The following ARHGEF12 variants were observed in gnomAD, a reference collection of about 807,000 sequenced individuals.
The protein encoded by ARHGEF12 is Rho guanine nucleotide exchange factor 12, also known as KMT2A/ARHGEF12 fusion protein.
A neutral mutation model predicts 211.2 loss-of-function variants in ARHGEF12; 66 were observed. That is an observed-to-expected ratio of 0.31 (90% CI 0.26 to 0.38). ARHGEF12 has a LOEUF of 0.38. ARHGEF12 is among the 10% of genes least tolerant of loss of function. The pLI, the probability that ARHGEF12 is intolerant of heterozygous loss-of-function variation, is 1.00. For missense variants in ARHGEF12, 1,429 were observed against 1,869.5 expected, an observed-to-expected ratio of 0.76 and a Z score of 4.34; for synonymous variants, 592 against 638.4, an observed-to-expected ratio of 0.93 and a Z score of 1.09.
At position 120,483,905 on chromosome 11, in the gene ARHGEF12, C is replaced by T. The variant is rs192911641; in HGVS notation, c.4555-533C>T. ...TTGGGATTACAGGCGTGAGCCACCG[C>T]GCCCAGTCCCAGCTAATTTTTATAA... On this transcript the variant is annotated intron_variant, in intron 39 of 40. Coordinates refer to ENST00000397843, the MANE Select transcript of ARHGEF12 (RefSeq NM_015313.3). Among the ~76,000 whole-genome samples the T allele has an allele frequency of 1.2e-3, 179 of 151,732 alleles. 1 individual carries two copies. The highest frequency in any genetic ancestry group is 1.2e-3 in the Non-Finnish European group (84 of 67,898).
At chr11:120,447,338 G>T in intron 18 of ARHGEF12, 1 of 368,552 alleles carries the variant, frequency 2.7e-6, no homozygotes, top group Non-Finnish European at 4.8e-6. Flanking sequence ...AAAACAGGTT[G>T]ATTACTTTCA....
At chr11:120,364,778 A>G (rs1270666431) in intron 1 of ARHGEF12, among the ~76,000 whole-genome samples, 1 of 151,298 alleles carries the variant, frequency 6.6e-6, no homozygotes, top group African/African-American at 2.4e-5. Flanking sequence ...AAAAACATTC[A>G]TGTGATGCTT....
rs979828500 is a variant in ARHGEF12, at chr11:120,487,827, A to T, written c.*2750A>T. 61 of 220,046 alleles carry T rather than the reference A, an allele frequency of 2.8e-4. No homozygotes were observed. Among genetic ancestry groups the T allele is most frequent in the African/African-American group, 1.2e-3 (55 of 44,592 alleles). 13.6% of individuals were successfully genotyped at this position (220,046 alleles called of 1,614,324 possible). ...TTCCTTTTCAGAGAACAGTTAATCA[A>T]GGCAAATCAGCAAGCCCCCAAAGTG... On this transcript the variant is annotated 3_prime_UTR_variant, in exon 41 of 41. Transcript: ENST00000397843.
chr11:120,477,118 T>TTGG (rs1397422059), intron 34 of ARHGEF12, 101 bp from the exon 35 acceptor site: 3 of 737,910 alleles, frequency 4.1e-6, no homozygotes, highest in African/African-American at 1.8e-5. Context: ...GTTGTTGTTG[T>TTGG]TGGTTGATTT....
chr11:120,443,289 C>G (rs1210811286), intron 15 of ARHGEF12, among the ~76,000 whole-genome samples: 1 of 151,964 alleles, frequency 6.6e-6, no homozygotes, highest in Non-Finnish European at 1.5e-5. Context: ...CAAAGTGCTG[C>G]GATTACAGGC....
intron 1 of ARHGEF12, among the ~76,000 whole-genome samples, chr11:120,347,841 G>T (rs552252439): frequency 6.6e-6 from 1 of 152,234 alleles, no homozygotes; most frequent in East Asian, 1.9e-4. Context: ...TAAACAGTGG[G>T]ACACAAAATA....
intron 1 of ARHGEF12, among the ~76,000 whole-genome samples, chr11:120,376,797 C>G (rs372943517): frequency 2.0e-5 from 3 of 152,158 alleles, no homozygotes; most frequent in Admixed American, 6.5e-5. Flanking sequence ...CCCAACCCCC[C>G]ACTACCCTTC....
chr11:120,472,041 C>T (rs552440992), intron 30 of ARHGEF12, among the ~76,000 whole-genome samples: 6 of 152,136 alleles, frequency 3.9e-5, no homozygotes, highest in Non-Finnish European at 7.4e-5. Context: ...GAGAGTTTTA[C>T]ATCCTGTAGT....
At chr11:120,338,756 T>C (rs1418771350) in intron 1 of ARHGEF12, among the ~76,000 whole-genome samples, 1 of 152,212 alleles carries the variant, frequency 6.6e-6, no homozygotes, top group African/African-American at 2.4e-5. Context: ...TAGGAACTAA[T>C]GTAATGTTGG....
intron 36 of ARHGEF12, among the ~76,000 whole-genome samples, 163 bp from the exon 37 acceptor site, chr11:120,477,993 G>A (rs1345076874): frequency 6.6e-6 from 1 of 151,602 alleles, no homozygotes; most frequent in Non-Finnish European, 1.5e-5. Context: ...AGCCTTCTGT[G>A]TGTCAGTATA....
intron 1 of ARHGEF12, among the ~76,000 whole-genome samples, chr11:120,387,458 G>T (rs754844372): frequency 2.6e-5 from 4 of 151,972 alleles, no homozygotes; most frequent in Non-Finnish European, 5.9e-5. Context: ...ATAGTACATT[G>T]GCAAAATATA....
intron 13 of ARHGEF12, among the ~76,000 whole-genome samples, chr11:120,441,077 A>G (rs1348151853): frequency 6.6e-6 from 1 of 152,098 alleles, no homozygotes; most frequent in East Asian, 1.9e-4. Context: ...GTCGGTTTCA[A>G]TTTGCCATAT....
intron 1 of ARHGEF12, among the ~76,000 whole-genome samples, chr11:120,345,909 TA>T (rs1942706006): frequency 6.6e-6 from 1 of 152,154 alleles, no homozygotes; most frequent in African/African-American, 2.4e-5. Context: ...AGCCTTATTA[TA>T]TTTTTATTTT....
chr11:120,458,141 G>A lies in ARHGEF12; in HGVS notation c.2287G>A (p.Glu763Lys). Reference protein sequence around the residue: ...SEDEQFENDLETDPPNWQQLV... With the variant: ...SEDEQFENDLKTDPPNWQQLV... ...GGATGAACAATTTGAAAATGACTTAGAGACAGATCCACCCAACTGGCAGCA... is the reference window on the plus strand; with the variant it reads ...GGATGAACAATTTGAAAATGACTTAAAGACAGATCCACCCAACTGGCAGCA... The change falls in exon 25 of 41, where the codon GAG (glutamate) becomes AAG (lysine). Residue 763 changes from glutamate (E) to lysine (K), a missense_variant. Physicochemically the swap from Glu to Lys is moderately conservative, Grantham distance 56. Transcript: ENST00000397843. 1.2e-6 allele frequency: 2 copies of A among 1,611,880 alleles called. No individual in the cohort carries two copies. The highest frequency in any genetic ancestry group is 1.7e-6 in the Non-Finnish European group (2 of 1,179,528).
chr11:120,358,130 C>T (rs1023537307), intron 1 of ARHGEF12, among the ~76,000 whole-genome samples: 5 of 151,972 alleles, frequency 3.3e-5, no homozygotes, highest in Non-Finnish European at 7.4e-5. Context: ...AAGATTCTTT[C>T]GGTGGTAGCG....
chr11:120,447,016 A>G lies in ARHGEF12; in HGVS notation c.1520A>G (p.Lys507Arg). 1.2e-6 allele frequency: 2 copies of G among 1,614,232 alleles called. No individual in the cohort carries two copies. The highest frequency in any genetic ancestry group is 2.2e-5 in the East Asian group (1 of 44,878). The stretch of plus-strand genomic sequence containing the variant: ...ACTAAACTTGATGCAGAGCGAGACA[A>G]GGACCGATTGACTTTGGAGAAGGAG... The part of the protein sequence containing the change: ...ELTKLDAERD[K>R]DRLTLEKERT... Residue 507 changes from lysine (K) to arginine (R), a missense_variant, in exon 18 of 41, where the codon AAG becomes AGG. By Grantham distance (26) the Lys-to-Arg change is conservative (BLOSUM62 2). Coordinates refer to ENST00000397843, the MANE Select transcript of ARHGEF12 (RefSeq NM_015313.3).
At chr11:120,370,707 G>A (rs1176656397) in intron 1 of ARHGEF12, among the ~76,000 whole-genome samples, 1 of 151,908 alleles carries the variant, frequency 6.6e-6, no homozygotes, top group Non-Finnish European at 1.5e-5. Context: ...TTATTTCTAG[G>A]TACTTTATGA....
chr11:120,448,663 A>C (rs747034247), intron 20 of ARHGEF12: 1 of 344,560 alleles, frequency 2.9e-6, no homozygotes, highest in African/African-American at 2.1e-5. Flanking sequence ...CATAATCGTC[A>C]TGAACATCTT....
chr11:120,450,606 T>G (rs1323920342), intron 21 of ARHGEF12: 1 of 152,104 alleles, frequency 6.6e-6, no homozygotes, highest in Non-Finnish European at 1.5e-5. Flanking sequence ...ATTAAGAGAT[T>G]AGGGTATAAA....
Sources: allele counts gnomAD v4.1 joint callset (sites outside exome capture counted in the v4.1 genomes callset), GRCh38; gene constraint gnomAD v4.1.1; transcripts MANE v1.5; gene names NCBI Gene and HGNC (gene_info 2026-07-23, HGNC 2026-07-21).